DDX39B: variants seen among roughly 807,000 people sequenced by gnomAD.
The protein encoded by DDX39B is spliceosome RNA helicase DDX39B.
Under a neutral mutation model 46.4 loss-of-function variants are expected in DDX39B, and 6 were observed. The ratio of observed to expected loss-of-function variants is 0.13; its 90% CI spans 0.07 to 0.26. DDX39B has a LOEUF of 0.26. DDX39B is among the 10% of genes least tolerant of loss of function. The pLI is 1.00. For missense variants in DDX39B, 185 were observed against 553.4 expected (o/e 0.33, Z 6.68); for synonymous variants, 174 against 199.4 (o/e 0.87, Z 1.07).
rs904703836 is a variant in DDX39B, at chr6:31,531,024, G to A, written c.1122+29C>T. The A allele has an allele frequency of 1.9e-6, 3 of 1,613,786 alleles. No individual in the cohort carries two copies. Among genetic ancestry groups the A allele is most frequent in the Non-Finnish European group, 2.5e-6 (3 of 1,179,828 alleles). On this transcript the variant is annotated intron_variant, in intron 9 of 10. Transcript: ENST00000396172. The surrounding 1 kb of genome is among the most constrained non-coding windows in gnomAD (Gnocchi z 5.8). ...AAACAGAAAACAAGGGAATGGGAGA[G>A]TGGGATTTTTTCAGCCTGTGAGGTT...
In DDX39B at chr6:31,535,522, A is replaced by G. The variant is rs775080061; in HGVS notation, c.617-37T>C. The G allele has an allele frequency of 4.5e-6, 7 of 1,549,476 alleles. No individual in the cohort carries two copies. The African/African-American group carries it at 8.2e-5, about 18-fold the overall frequency. On this transcript the variant is annotated intron_variant, in intron 5 of 10. Transcript: ENST00000396172. This position sits in a 1 kb window ranked among gnomAD's most constrained non-coding sequence, Gnocchi z 4.6. ...AGGAAAAAAATTGTAGGAGAAAATAAGCAGGTATGATAAACAAAGATTAGA... is the reference window on the plus strand; with the variant it reads ...AGGAAAAAAATTGTAGGAGAAAATAGGCAGGTATGATAAACAAAGATTAGA...
At chr6:31,541,270 GA>G in intron 1 of DDX39B, 1 of 523,632 alleles carries the variant, frequency 1.9e-6, no homozygotes, top group Non-Finnish European at 3.9e-6. Flanking sequence ...GCATGGGGGG[GA>G]GGGGCGGTGC....
In DDX39B at chr6:31,530,754, AG is replaced by A. The variant is rs1159195023; in HGVS notation, c.1270+24del. On this transcript the variant is annotated intron_variant, in intron 10 of 10. Transcript: ENST00000396172. The surrounding 1 kb of genome is among the most constrained non-coding windows in gnomAD (Gnocchi z 4.5). ...ACACTAAGGAACAGGGAGGACCTAA[AG>A]GGTTTCATGAGATCAGTACTCACTG... The A allele has an allele frequency of 6.2e-7, 1 of 1,606,932 alleles. No individual in the cohort carries two copies. The highest frequency in any genetic ancestry group is 1.1e-5 in the South Asian group (1 of 91,012).
chr6:31,541,618 C>G (rs1768468038), intron 1 of DDX39B: 2 of 477,552 alleles, frequency 4.2e-6, no homozygotes, highest in Non-Finnish European at 8.6e-6. Context: ...AGAAGAGCCC[C>G]GCCCTCCGCA....
In DDX39B at chr6:31,530,770, A is replaced by G. The variant is rs779988647; in HGVS notation, c.1270+9T>C. The G allele has an allele frequency of 1.9e-6, 3 of 1,610,930 alleles. No individual in the cohort carries two copies. The highest frequency in any genetic ancestry group is 1.7e-5 in the Admixed American group (1 of 59,996). Reference sequence around the variant, plus strand: ...AGGACCTAAAGGGTTTCATGAGATCAGTACTCACTGTAGGAGGAGATGTCT... The same window carrying G: ...AGGACCTAAAGGGTTTCATGAGATCGGTACTCACTGTAGGAGGAGATGTCT... On this transcript the variant is annotated intron_variant, in intron 10 of 10. Transcript: ENST00000396172. The surrounding 1 kb of genome is among the most constrained non-coding windows in gnomAD (Gnocchi z 4.5).
Position 31,540,380 on chromosome 6 carries a change from C to T in DDX39B, c.153G>A (p.Leu51=), listed in dbSNP as rs140814132. The T allele has an allele frequency of 6.2e-7, 1 of 1,614,198 alleles. No individual in the cohort carries two copies. The part of the protein sequence containing the change: ...SIHSSGFRDF[L]LKPELLRAIV... ...TGGCCCGGAGCAACTCTGGCTTGAG[C>T]AGGAAGTCACGAAAGCCAGAGCTGT... Residue 51 remains leucine (L), a synonymous_variant, in exon 2 of 11, where the codon CTG becomes CTA. Coordinates refer to ENST00000396172, the MANE Select transcript of DDX39B (RefSeq NM_004640.7).
rs781190355 is a variant in DDX39B, at chr6:31,530,446, T to C, written c.1275A>G (p.Glu425=). The change falls in exon 11 of 11, where the codon GAA becomes GAG. Residue 425 remains glutamate (E), a synonymous_variant. Transcript: ENST00000396172. This position sits in a 1 kb window ranked among gnomAD's most constrained non-coding sequence, Gnocchi z 4.5. The stretch of plus-strand genomic sequence containing the variant: ...ATGGGCGAGTCTTCTACCGTGTCTG[T>C]TCAACTGAGAAGAAAACGTAGCATG... The part of the protein sequence containing the change: ...PDEIDISSYI[E]QTR The C allele has an allele frequency of 1.2e-6, 2 of 1,611,838 alleles. No homozygotes were observed. Among genetic ancestry groups the C allele is most frequent in the Non-Finnish European group, 1.7e-6 (2 of 1,179,538 alleles).
At chr6:31,533,103 C>G in intron 6 of DDX39B, 192 bp from the exon 7 acceptor site, 1 of 514,156 alleles carries the variant, frequency 1.9e-6, no homozygotes, top group Non-Finnish European at 3.6e-6. Flanking sequence ...ATCTAATTTC[C>G]TTCCTATCAG....
intron 4 of DDX39B, among the ~76,000 whole-genome samples, chr6:31,537,998 A>G (rs980104066): frequency 8.6e-5 from 13 of 151,972 alleles, no homozygotes; most frequent in African/African-American, 3.1e-4. Context: ...TCGCGCCACT[A>G]CACTCACAGC....
chr6:31,535,330 C>G lies in DDX39B; in HGVS notation c.735+37G>C. On this transcript the variant is annotated intron_variant, in intron 6 of 10. Transcript: ENST00000396172. The surrounding 1 kb of genome is among the most constrained non-coding windows in gnomAD (Gnocchi z 4.6). ...GCGAGGAAGGGGAGGAGGCAGCGGG[C>G]GGGGAGTGGAGGGAGAGAAGGTAGA... 1 of 1,586,280 alleles carries G rather than the reference C, an allele frequency of 6.3e-7. No individual in the cohort carries two copies. The highest frequency in any genetic ancestry group is 1.1e-5 in the South Asian group (1 of 90,508).
chr6:31,541,611 A>G (rs772403028), intron 1 of DDX39B: 6 of 475,888 alleles, frequency 1.3e-5, no homozygotes, highest in Middle Eastern at 3.2e-4. Flanking sequence ...GAAGGTGAGA[A>G]GAGCCCCGCC....
At chr6:31,538,693 T>C in intron 4 of DDX39B, 70 bp downstream of exon 4, 3 of 1,380,532 alleles carry the variant, frequency 2.2e-6, no homozygotes, top group Non-Finnish European at 3.0e-6. Context: ...AAAGAGACTA[T>C]TGGCCTACAA....
At chr6:31,541,064 C>G (rs777616542) in intron 1 of DDX39B, 6 of 528,384 alleles carry the variant, frequency 1.1e-5, no homozygotes, top group Non-Finnish European at 2.3e-5. Context: ...TCCGCTTTCC[C>G]TATTATAATC....
Position 31,531,974 on chromosome 6 carries a change from C to A in DDX39B, c.868-569G>T, listed in dbSNP as rs1266852509. On this transcript the variant is annotated intron_variant, in intron 7 of 10. Transcript: ENST00000396172. This position sits in a 1 kb window ranked among gnomAD's most constrained non-coding sequence, Gnocchi z 5.8. ...CTGGGACCACAGGTGCACACCACCA[C>A]GCCCAGCTACTTTTTTTATTTTTTA... 2.0e-5 allele frequency among the ~76,000 whole-genome samples: 3 copies of A among 152,068 alleles called. No homozygotes were observed. Among genetic ancestry groups the A allele is most frequent in the African/African-American group, 7.3e-5 (3 of 41,378 alleles).
rs142961891 is a variant in DDX39B, at chr6:31,536,977, A to G, written c.433-294T>C. 7.1e-3 allele frequency among the ~76,000 whole-genome samples: 1,086 copies of G among 152,324 alleles called. 56 individuals are homozygous for G. The highest frequency in any genetic ancestry group is 0.066 in the Admixed American group (1,015 of 15,292). Reference sequence around the variant, plus strand: ...GCTTCATTTAAAAAATAAAGGAGCCAGGTGTGGTGGCACACGCCTATAATT... The same window carrying G: ...GCTTCATTTAAAAAATAAAGGAGCCGGGTGTGGTGGCACACGCCTATAATT... On this transcript the variant is annotated intron_variant, in intron 4 of 10. Transcript: ENST00000396172.
rs1294930010 is a variant in DDX39B at position 31,534,525 on chromosome 6, A to C, written c.735+842T>G. ...TCTCCTCTGAGTATTAAAAAAAACAAAAAAATTTTTTTAAGAAAAAAAATC... is the reference window on the plus strand; with the variant it reads ...TCTCCTCTGAGTATTAAAAAAAACACAAAAATTTTTTTAAGAAAAAAAATC... On this transcript the variant is annotated intron_variant, in intron 6 of 10. Coordinates refer to ENST00000396172, the MANE Select transcript of DDX39B (RefSeq NM_004640.7). This position sits in a 1 kb window ranked among gnomAD's most constrained non-coding sequence, Gnocchi z 5.1. 2.1e-6 allele frequency: 1 copy of C among 470,024 alleles called. No individual in the cohort carries two copies. Among genetic ancestry groups the C allele is most frequent in the South Asian group, 1.6e-5 (1 of 64,282 alleles). 29.1% of individuals were successfully genotyped at this position (470,024 alleles called of 1,614,324 possible). A position where few individuals can be genotyped will look rare whatever the true frequency, so the allele number is the denominator to read the frequency against.
Position 31,530,999 on chromosome 6 carries a change from A to G in DDX39B, c.1122+54T>C, listed in dbSNP as rs2150324825. The G allele has an allele frequency of 6.2e-7, 1 of 1,613,518 alleles. No individual in the cohort carries two copies. The highest frequency in any genetic ancestry group is 2.2e-5 in the East Asian group (1 of 44,862). On this transcript the variant is annotated intron_variant, in intron 9 of 10. Coordinates refer to ENST00000396172, the MANE Select transcript of DDX39B (RefSeq NM_004640.7). The surrounding 1 kb of genome is among the most constrained non-coding windows in gnomAD (Gnocchi z 4.5). ...CCCAGAGGCAGGAATGAAGATGTAC[A>G]AACAGAAAACAAGGGAATGGGAGAG...
At chr6:31,532,650 T>C in intron 7 of DDX39B, 130 bp downstream of exon 7, 1 of 1,239,018 alleles carries the variant, frequency 8.1e-7, no homozygotes, top group Non-Finnish European at 1.1e-6. Context: ...GCCCCTAAGA[T>C]ATTTATACCC....
chr6:31,536,736 C>T (rs1767821421), intron 4 of DDX39B, 53 bp from the exon 5 acceptor site: 6 of 1,590,424 alleles, frequency 3.8e-6, no homozygotes, highest in South Asian at 1.1e-5. Context: ...AGAGTCCAAT[C>T]CCCCCAGGGT....
Sources: gnomAD v4.1 joint callset for allele counts (sites outside exome capture counted in the v4.1 genomes callset) on GRCh38, gnomAD v4.1.1 for gene constraint, Gnocchi (gnomAD v3.1) non-coding constraint, MANE v1.5 for transcripts, NCBI Gene and HGNC (gene_info 2026-07-23, HGNC 2026-07-21) for gene names.